The following DNAH14 variants were observed in gnomAD, a reference collection of about 807,000 sequenced individuals.
DNAH14 encodes axonemal beta dynein heavy chain 14.
A neutral mutation model predicts 520.9 loss-of-function variants in DNAH14; 478 were observed. The observed-to-expected ratio is 0.92, with a 90% CI of 0.85 to 0.99. The LOEUF (loss-of-function observed/expected upper bound fraction) is 0.99. Among genes scored for constraint, DNAH14 ranks in the 50% least tolerant of loss-of-function variants. DNAH14 has a pLI of 0.00. For missense variants in DNAH14, 4,831 were observed against 5,234.5 expected, an observed-to-expected ratio of 0.92 and a Z score of 2.38; for synonymous variants, 1,581 against 1,757.2, an observed-to-expected ratio of 0.90 and a Z score of 2.51.
intron 19 of DNAH14, 67 bp from the exon 20 acceptor site, chr1:225,082,482 C>G: frequency 4.9e-6 from 6 of 1,213,194 alleles, no homozygotes; most frequent in Non-Finnish European, 6.6e-6. Flanking sequence ...ATCTTATTTT[C>G]TCAATTTTTT....
chr1:224,933,164 T>G (rs1319611163), intron 1 of DNAH14, among the ~76,000 whole-genome samples: 3 of 152,050 alleles, frequency 2.0e-5, no homozygotes, highest in African/African-American at 7.2e-5. Flanking sequence ...TAAATTTATT[T>G]TTAGGTATTT....
At chr1:225,274,237 T>C (rs1048141253) in intron 52 of DNAH14, among the ~76,000 whole-genome samples, 1 of 137,088 alleles carries the variant, frequency 7.3e-6, no homozygotes, top group African/African-American at 2.7e-5. Flanking sequence ...CGGAGTCTCG[T>C]TCTGTCGCCC....
intron 75 of DNAH14, among the ~76,000 whole-genome samples, chr1:225,361,310 C>G (rs6673285): frequency 0.15 from 23,548 of 152,148 alleles, 1,960 homozygotes; most frequent in East Asian, 0.27. Flanking sequence ...AGTATCTATT[C>G]TGACTTTCTC....
rs879543740 is a variant in DNAH14, at chr1:225,265,365, A to G, written c.7406A>G (p.Asn2469Ser). 7.2e-6 allele frequency: 11 copies of G among 1,532,736 alleles called. 1 individual carries two copies. The highest frequency in any genetic ancestry group is 1.3e-5 in the South Asian group (1 of 79,260). 94.9% of individuals were successfully genotyped at this position (1,532,736 alleles called of 1,614,324 possible). The change falls in exon 48 of 86, where the codon AAC becomes AGC. Residue 2469 changes from asparagine (N) to serine (S), a missense_variant. Asn to Ser is a conservative substitution (Grantham distance 46). Transcript: ENST00000682510. ...TKDTLGAPKNNRILIFIDDMN... is the reference protein window; with the variant it reads ...TKDTLGAPKNSRILIFIDDMN... ...GATACTCTTGGAGCACCAAAAAACA[A>G]CCGGGTAAAACACCTCTCATACCTG...
chr1:224,971,981 A>G (rs1158713747), intron 7 of DNAH14, among the ~76,000 whole-genome samples: 2 of 152,008 alleles, frequency 1.3e-5, no homozygotes, highest in Admixed American at 6.6e-5. Flanking sequence ...CCAAAGTACT[A>G]TTTTCTGTAT....
chr1:225,237,136 T>A (rs2149606689), intron 42 of DNAH14, among the ~76,000 whole-genome samples: 1 of 152,208 alleles, frequency 6.6e-6, no homozygotes, highest in East Asian at 1.9e-4. Flanking sequence ...ATGGGTCTTG[T>A]GTGAATTTAA....
intron 17 of DNAH14, among the ~76,000 whole-genome samples, chr1:225,069,181 T>C (rs1334948965): frequency 6.6e-6 from 1 of 151,894 alleles, no homozygotes; most frequent in Non-Finnish European, 1.5e-5. Context: ...TGACTTCATA[T>C]GTGGATGCCC....
At chr1:225,181,825 T>A (rs1008255983) in intron 36 of DNAH14, among the ~76,000 whole-genome samples, 1 of 152,208 alleles carries the variant, frequency 6.6e-6, no homozygotes, top group South Asian at 2.1e-4. Flanking sequence ...GTTGTAGGTA[T>A]GTGGCTTTAT....
At chr1:225,133,134 T>C (rs771676013) in intron 27 of DNAH14, among the ~76,000 whole-genome samples, 190 of 152,152 alleles carry the variant, frequency 1.2e-3, no homozygotes, top group Non-Finnish European at 2.3e-3. Flanking sequence ...CTTTGTCAGA[T>C]GGAGAGATTG....
Position 225,333,486 on chromosome 1 carries a change from G to C in DNAH14, c.10060G>C (p.Val3354Leu), listed in dbSNP as rs561127276. Residue 3354 changes from valine to leucine, a missense_variant, in exon 66 of 86, where the codon GTT becomes CTT. Physicochemically the swap from Val to Leu is conservative, Grantham distance 32 (BLOSUM62 1). Transcript: ENST00000682510. ...SLSSKFSLIK[V>L]MAQKYEISRW... The stretch of plus-strand genomic sequence containing the variant: ...GTCTTCCAAATTCTCTTTAATTAAA[G>C]TTATGGCACAAAAATATGAGGTAAT... 2.0e-5 allele frequency: 31 copies of C among 1,550,540 alleles called. No homozygotes were observed. The South Asian group carries it at 3.3e-4, about 17-fold the overall frequency.
intron 8 of DNAH14, among the ~76,000 whole-genome samples, chr1:224,991,857 A>G (rs1311165363): frequency 6.6e-6 from 1 of 152,184 alleles, no homozygotes; most frequent in Admixed American, 6.5e-5. Flanking sequence ...TGCAATGAAC[A>G]TACGCGAAAA....
At chr1:224,981,981 G>A (rs1056534837) in intron 8 of DNAH14, among the ~76,000 whole-genome samples, 1 of 152,116 alleles carries the variant, frequency 6.6e-6, no homozygotes, top group African/African-American at 2.4e-5. Flanking sequence ...TTACCTTAGA[G>A]CATTAGGTCA....
At chr1:225,375,778 A>C (rs900069867) in intron 78 of DNAH14, among the ~76,000 whole-genome samples, 4 of 151,982 alleles carry the variant, frequency 2.6e-5, no homozygotes, top group Non-Finnish European at 4.4e-5. Context: ...TTCCATCAAA[A>C]AACAACAACA....
intron 2 of DNAH14, chr1:224,953,186 G>C (rs2897321): frequency 0.17 from 25,524 of 152,246 alleles, 2,689 homozygotes; most frequent in Non-Finnish European, 0.23. Context: ...GCAGTGGCAC[G>C]ATCTTGGCTC....
intron 71 of DNAH14, among the ~76,000 whole-genome samples, chr1:225,348,828 C>T (rs192708768): frequency 6.6e-6 from 1 of 152,230 alleles, no homozygotes; most frequent in East Asian, 1.9e-4. Flanking sequence ...AGATAGTAAC[C>T]TGTACTATTG....
At chr1:225,009,102 CT>C (rs543851985) in intron 10 of DNAH14, among the ~76,000 whole-genome samples, 5 of 152,128 alleles carry the variant, frequency 3.3e-5, no homozygotes, top group Non-Finnish European at 7.4e-5. Context: ...TGCAGAAGCT[CT>C]TTAGTTTAAT....
chr1:225,377,085 T>C (rs989048978), intron 78 of DNAH14, among the ~76,000 whole-genome samples, 152 bp from the exon 79 acceptor site: 1 of 152,082 alleles, frequency 6.6e-6, no homozygotes, highest in East Asian at 1.9e-4. Flanking sequence ...ATATACCACA[T>C]GCAAATAAGA....
intron 10 of DNAH14, among the ~76,000 whole-genome samples, chr1:225,023,108 A>G (rs1413278834): frequency 6.6e-6 from 1 of 151,974 alleles, no homozygotes; most frequent in Non-Finnish European, 1.5e-5. Context: ...GGTGAGGGGA[A>G]GGTATGGGTT....
chr1:225,053,391 C>T (rs541837924), intron 17 of DNAH14, among the ~76,000 whole-genome samples: 1 of 152,192 alleles, frequency 6.6e-6, no homozygotes, highest in East Asian at 1.9e-4. Context: ...GAGAAAAGGG[C>T]CTAGTAAGCC....
Sources: gnomAD v4.1 joint callset for allele counts (sites outside exome capture counted in the v4.1 genomes callset) on GRCh38, gnomAD v4.1.1 for gene constraint, MANE v1.5 for transcripts, NCBI Gene and HGNC (gene_info 2026-07-23, HGNC 2026-07-21) for gene names.